SGCZ: variants seen among roughly 807,000 people sequenced by gnomAD.
The protein encoded by SGCZ is zeta-sarcoglycan.
Under a neutral mutation model 41.3 loss-of-function variants are expected in SGCZ, and 40 were observed. That is an observed-to-expected ratio of 0.97 (90% CI 0.75 to 1.26). The LOEUF (loss-of-function observed/expected upper bound fraction) is 1.26. Ranked by LOEUF, SGCZ falls within the 50% of genes most tolerant of loss-of-function variation. SGCZ has a pLI of 0.00. For synonymous variants in SGCZ, 206 were observed against 137.5 expected, an observed-to-expected ratio of 1.50 and a Z score of -3.49; for missense variants, 552 against 369.8, an observed-to-expected ratio of 1.49 and a Z score of -4.04.
At chr8:14,377,327 G>A (rs901023767) in intron 2 of SGCZ, among the ~76,000 whole-genome samples, 18 of 151,934 alleles carry the variant, frequency 1.2e-4, no homozygotes, top group African/African-American at 4.1e-4. Flanking sequence ...TGCATGCAGA[G>A]GTACCCCTTG....
At chr8:14,971,421 C>T (rs1801293325) in intron 1 of SGCZ, among the ~76,000 whole-genome samples, 1 of 152,018 alleles carries the variant, frequency 6.6e-6, no homozygotes, top group South Asian at 2.1e-4. Context: ...CACAGCTGTT[C>T]TCTATCATTT....
At chr8:14,873,062 GT>G (rs1336577727) in intron 1 of SGCZ, among the ~76,000 whole-genome samples, 6 of 152,086 alleles carry the variant, frequency 3.9e-5, no homozygotes, top group Non-Finnish European at 8.8e-5. Flanking sequence ...AAGGAGTCAG[GT>G]TTTGGTTAAA....
chr8:14,420,570 C>A lies in SGCZ; in HGVS notation c.235-96366G>T, dbSNP rs1217681455. Among the ~76,000 whole-genome samples, 5 of 151,974 alleles carry A rather than the reference C, an allele frequency of 3.3e-5. No homozygotes were observed. In the East Asian group the frequency reaches 9.7e-4, roughly 29 times the overall value. The stretch of plus-strand genomic sequence containing the variant: ...ATACTCTTTATTCCTCCTTCAGTTA[C>A]CCAACAGATACCAAAATGATCCCGA... On this transcript the variant is annotated intron_variant, in intron 2 of 7. Transcript: ENST00000382080.
At chr8:14,565,057 T>C (rs1804317996) in intron 1 of SGCZ, among the ~76,000 whole-genome samples, 1 of 152,078 alleles carries the variant, frequency 6.6e-6, no homozygotes, top group Non-Finnish European at 1.5e-5. Context: ...ATGAAAGATA[T>C]CTGAGTCAAA....
intron 4 of SGCZ, among the ~76,000 whole-genome samples, chr8:14,227,498 G>A (rs1344517529): frequency 2.0e-5 from 3 of 151,794 alleles, no homozygotes; most frequent in East Asian, 1.9e-4. Flanking sequence ...AAACATAGAG[G>A]GATCATATAG....
At chr8:14,738,181 ATC>A (rs1019799884) in intron 1 of SGCZ, among the ~76,000 whole-genome samples, 50 of 152,196 alleles carry the variant, frequency 3.3e-4, no homozygotes, top group African/African-American at 1.2e-3. Context: ...ATTACAAAAA[ATC>A]TCTGTTTTCA....
intron 1 of SGCZ, among the ~76,000 whole-genome samples, chr8:15,084,176 T>G (rs1209645646): frequency 6.6e-6 from 1 of 152,234 alleles, no homozygotes; most frequent in Non-Finnish European, 1.5e-5. Context: ...ATATGTCTGT[T>G]AATGTTCTTC....
chr8:15,201,593 T>C (rs1468801225), intron 1 of SGCZ, among the ~76,000 whole-genome samples: 1 of 152,188 alleles, frequency 6.6e-6, no homozygotes, highest in Non-Finnish European at 1.5e-5. Context: ...GTTCATGCAT[T>C]GAGTCTGCAT....
chr8:15,010,970 A>G (rs1417545296), intron 1 of SGCZ, among the ~76,000 whole-genome samples: 1 of 152,202 alleles, frequency 6.6e-6, no homozygotes, highest in Admixed American at 6.5e-5. Context: ...AAAATTGGAC[A>G]GTGCTTCATC....
chr8:14,478,532 G>A (rs1411092874), intron 2 of SGCZ, among the ~76,000 whole-genome samples: 1 of 152,138 alleles, frequency 6.6e-6, no homozygotes, highest in African/African-American at 2.4e-5. Context: ...TGTTATGGGG[G>A]ACAGAGGGAT....
intron 1 of SGCZ, among the ~76,000 whole-genome samples, chr8:14,717,667 T>C (rs1333228885): frequency 2.0e-5 from 3 of 152,114 alleles, no homozygotes; most frequent in Non-Finnish European, 4.4e-5. Flanking sequence ...ATTACATTCT[T>C]AATAATTTTT....
At chr8:14,896,436 CTTTTA>C (rs1022391464) in intron 1 of SGCZ, among the ~76,000 whole-genome samples, 30 of 141,374 alleles carry the variant, frequency 2.1e-4, no homozygotes, top group African/African-American at 8.5e-4. Context: ...TGATGGAAGA[CTTTTA>C]TTTATTTATT....
intron 2 of SGCZ, among the ~76,000 whole-genome samples, chr8:14,518,010 AT>A (rs939840692): frequency 2.1e-4 from 32 of 151,498 alleles, no homozygotes; most frequent in African/African-American, 6.8e-4. Context: ...GTGTATTTTG[AT>A]TTTTTTATAT....
chr8:14,441,634 C>T (rs114283094), intron 2 of SGCZ, among the ~76,000 whole-genome samples: 6,010 of 152,206 alleles, frequency 0.039, 179 homozygotes, highest in African/African-American at 0.078. Flanking sequence ...AGTTAGAGTT[C>T]TCCTCTCAAG....
At chr8:14,391,512 G>A (rs1447254160) in intron 2 of SGCZ, among the ~76,000 whole-genome samples, 1 of 152,050 alleles carries the variant, frequency 6.6e-6, no homozygotes, top group African/African-American at 2.4e-5. Context: ...ATATTTTTCA[G>A]GCAGGGAGTA....
chr8:14,713,417 G>A (rs550024417), intron 1 of SGCZ, among the ~76,000 whole-genome samples: 234 of 152,062 alleles, frequency 1.5e-3, no homozygotes, highest in Middle Eastern at 3.4e-3. Context: ...AAAGTAGAAG[G>A]GAAAAAAGTA....
At chr8:14,131,323 C>G (rs1305296819) in intron 5 of SGCZ, among the ~76,000 whole-genome samples, 1 of 152,172 alleles carries the variant, frequency 6.6e-6, no homozygotes. Context: ...AAAGGGACTT[C>G]TTGTAGACAG....
chr8:14,378,217 C>T (rs573791999), intron 2 of SGCZ, among the ~76,000 whole-genome samples: 1 of 151,200 alleles, frequency 6.6e-6, no homozygotes, highest in African/African-American at 2.4e-5. Flanking sequence ...TTAATGATCG[C>T]CATTCTAACT....
At chr8:14,545,124 T>C (rs911573394) in intron 2 of SGCZ, among the ~76,000 whole-genome samples, 1 of 152,064 alleles carries the variant, frequency 6.6e-6, no homozygotes, top group East Asian at 1.9e-4. Context: ...CTGACACTTA[T>C]GGAAAATAGA....
Sources: allele counts gnomAD v4.1 joint callset (sites outside exome capture counted in the v4.1 genomes callset), GRCh38; gene constraint gnomAD v4.1.1; transcripts MANE v1.5; gene names NCBI Gene and HGNC (gene_info 2026-07-23, HGNC 2026-07-21).